NUP155: variants seen among roughly 807,000 people sequenced by gnomAD.
NUP155 encodes nuclear pore complex protein Nup155.
In NUP155, 71 loss-of-function variants were observed where a neutral mutation model predicts 180.4. The observed-to-expected ratio is 0.39, with a 90% CI of 0.33 to 0.48. The LOEUF (loss-of-function observed/expected upper bound fraction) is 0.48, where lower values mean the gene tolerates loss of function less well. NUP155 is among the 20% of genes least tolerant of loss of function. NUP155 has a pLI of 0.91. For synonymous variants in NUP155, 582 were observed against 559.5 expected (o/e 1.04, Z -0.57); for missense variants, 1,553 against 1,648.9 (o/e 0.94, Z 1.01).
intron 1 of NUP155, among the ~76,000 whole-genome samples, chr5:37,366,980 T>C (rs1290713699): frequency 6.6e-6 from 1 of 151,496 alleles, no homozygotes; most frequent in Non-Finnish European, 1.5e-5. Context: ...GTAATCCGCC[T>C]GCCTTGGCCT....
chr5:37,343,990 T>C (rs182764014), intron 9 of NUP155, among the ~76,000 whole-genome samples: 2 of 152,300 alleles, frequency 1.3e-5, no homozygotes, highest in African/African-American at 4.8e-5. Flanking sequence ...TGCTATTATG[T>C]GTCTCTTGAT....
chr5:37,356,624 A>G (rs556748474), intron 4 of NUP155, among the ~76,000 whole-genome samples: 53 of 152,164 alleles, frequency 3.5e-4, no homozygotes, highest in Middle Eastern at 3.2e-3. Context: ...TGGGCAACAG[A>G]GTGAGACTCT....
At chr5:37,312,185 A>G (rs1743571076) in intron 22 of NUP155, among the ~76,000 whole-genome samples, 1 of 152,220 alleles carries the variant, frequency 6.6e-6, no homozygotes, top group Non-Finnish European at 1.5e-5. Context: ...AATTTATCTT[A>G]GTATAACTAA....
rs1483542199 is a variant in NUP155, at chr5:37,301,252, A to C, written c.3561+185T>G. On this transcript the variant is annotated intron_variant, in intron 30 of 34. Coordinates refer to ENST00000231498, the MANE Select transcript of NUP155 (RefSeq NM_153485.3). ...GCTACTGGCCTGGAAAGAGTAGCTT[A>C]GCCTTTTTCTAGGAGTCAGATGAAG... is the stretch of plus-strand genomic sequence containing the variant. 5 of 554,854 alleles carry C rather than the reference A, an allele frequency of 9.0e-6. No homozygotes were observed. In the Admixed American group the frequency reaches 1.4e-4, roughly 16 times the overall value. The allele number at this position is 554,854 out of a possible 1,614,324, so 34.4% of individuals were successfully genotyped here.
intron 1 of NUP155, among the ~76,000 whole-genome samples, chr5:37,368,395 T>C (rs1747745656): frequency 6.6e-6 from 1 of 151,858 alleles, no homozygotes; most frequent in South Asian, 2.1e-4. Flanking sequence ...AATTTTTGTA[T>C]TATTGTATTT....
chr5:37,364,241 G>T lies in NUP155; in HGVS notation c.295+6C>A. The T allele has an allele frequency of 6.2e-7, 1 of 1,603,014 alleles. No homozygotes were observed. On this transcript the variant is annotated splice_donor_region_variant and intron_variant, in intron 2 of 34. Transcript: ENST00000231498. ...TTTTTAAAATAAATACAAAGTAATAGGATACGTCCAAACTGCTCAACAAGT... is the reference window on the plus strand; with the variant it reads ...TTTTTAAAATAAATACAAAGTAATATGATACGTCCAAACTGCTCAACAAGT...
chr5:37,312,043 A>T (rs1743564046), intron 22 of NUP155, among the ~76,000 whole-genome samples: 1 of 152,104 alleles, frequency 6.6e-6, no homozygotes, highest in African/African-American at 2.4e-5. Context: ...AAACAAACAA[A>T]CAAATAAATA....
intron 22 of NUP155, among the ~76,000 whole-genome samples, chr5:37,313,032 TTTAGA>T (rs1743625772): frequency 6.6e-6 from 1 of 152,294 alleles, no homozygotes; most frequent in South Asian, 2.1e-4. Context: ...CTATCTAACA[TTTAGA>T]TTAATGTTGA....
At chr5:37,365,710 GGA>G (rs1491134973) in intron 1 of NUP155, among the ~76,000 whole-genome samples, 740 of 4,902 alleles carry the variant, frequency 0.15, 95 homozygotes, top group Middle Eastern at 0.4. Context: ...TCTGTCTCGG[GGA>G]GAAAAAAAAA....
rs772659342 is a variant in NUP155, at chr5:37,370,891, G to A, written c.87C>T (p.Leu29=). The A allele has an allele frequency of 5.0e-6, 8 of 1,614,188 alleles. No homozygotes were observed. The South Asian group carries it at 6.6e-5, about 13-fold the overall frequency. Residue 29 remains leucine, a synonymous_variant, in exon 1 of 35, where the codon CTC becomes CTT. Coordinates refer to ENST00000231498, the MANE Select transcript of NUP155 (RefSeq NM_153485.3). ...LQEALENAGR[L]IDRQLQEDRM... The stretch of plus-strand genomic sequence containing the variant: ...GGTCCTCTTGCAACTGACGGTCGAT[G>A]AGCCGTCCAGCATTTTCCAGAGCTT...
At chr5:37,309,492 G>T (rs1743391353) in intron 23 of NUP155, 1 of 500,480 alleles carries the variant, frequency 2.0e-6, no homozygotes, top group African/African-American at 1.9e-5. Context: ...GAGAACTTTT[G>T]TCTGGTAATT....
At chr5:37,368,476 G>T (rs979709830) in intron 1 of NUP155, among the ~76,000 whole-genome samples, 6 of 151,476 alleles carry the variant, frequency 4.0e-5, no homozygotes, top group Admixed American at 2.0e-4. Context: ...CAAGTAATCT[G>T]CCCACTTTGG....
rs1744971711 is a variant in NUP155 at position 37,331,700 on chromosome 5, G to T, written c.1614C>A (p.Phe538Leu). Residue 538 changes from phenylalanine (F) to leucine (L), a missense_variant, in exon 14 of 35, where the codon TTC becomes TTA. Coordinates refer to ENST00000231498, the MANE Select transcript of NUP155 (RefSeq NM_153485.3). ...VGGDGEEIER[F>L]FKLHQEDQAC... is the part of the protein sequence containing the mutation. ...ATATAATTACCTGATGTAATTTAAA[G>T]AATCTTTCAATCTCTTCTCCATCTC... 2 of 1,591,074 alleles carry T rather than the reference G, an allele frequency of 1.3e-6. No individual in the cohort carries two copies. The highest frequency in any genetic ancestry group is 1.1e-5 in the South Asian group (1 of 90,598).
rs780283331 is a variant in NUP155 at position 37,323,991 on chromosome 5, C to G, written c.2207+1G>C. On this transcript the variant is annotated splice_donor_variant, in intron 20 of 34. Coordinates refer to ENST00000231498, the MANE Select transcript of NUP155 (RefSeq NM_153485.3). LOFTEE classifies it high-confidence loss of function. ...AATTAATAAACCCTATTTATTCTTA[C>G]TTTGGATTTCCTAATGGTCCTCCTG... 1.3e-6 allele frequency: 2 copies of G among 1,574,886 alleles called. No homozygotes were observed. Among genetic ancestry groups the G allele is most frequent in the Non-Finnish European group, 1.7e-6 (2 of 1,144,392 alleles).
chr5:37,297,379 GTTAT>G (rs145514776), intron 32 of NUP155, among the ~76,000 whole-genome samples: 5 of 151,892 alleles, frequency 3.3e-5, no homozygotes, highest in African/African-American at 7.3e-5. Flanking sequence ...ACAATACAGT[GTTAT>G]TTATTTATTT....
chr5:37,324,105 A>G lies in NUP155; in HGVS notation c.2094T>C (p.Ile698=), dbSNP rs1406770916. The G allele has an allele frequency of 3.8e-6, 6 of 1,597,836 alleles. No individual in the cohort carries two copies. Among genetic ancestry groups the G allele is most frequent in the Non-Finnish European group, 5.1e-6 (6 of 1,165,350 alleles). ...FKSGNREITA[I]ESSVPCQLLE... ...GCAGTTGGCAGGGAACACTACTTTC[A>G]ATCTGTAAAAATGAAAGATTTTTCA... Residue 698 remains isoleucine, a splice_region_variant and synonymous_variant, in exon 20 of 35, where the codon ATT becomes ATC. Coordinates refer to ENST00000231498, the MANE Select transcript of NUP155 (RefSeq NM_153485.3).
chr5:37,340,751 C>CA (rs767694803), intron 11 of NUP155, among the ~76,000 whole-genome samples: 1 of 152,164 alleles, frequency 6.6e-6, no homozygotes, highest in Non-Finnish European at 1.5e-5. Flanking sequence ...CAAAACAGAT[C>CA]AAAAACCTAA....
intron 10 of NUP155, 66 bp downstream of exon 10, chr5:37,342,483 T>C: frequency 1.0e-6 from 1 of 952,604 alleles, no homozygotes; most frequent in African/African-American, 1.6e-5. Context: ...TAATAATAAA[T>C]TTCCAAATCT....
At chr5:37,365,465 T>C (rs1561818448) in intron 1 of NUP155, among the ~76,000 whole-genome samples, 1 of 151,616 alleles carries the variant, frequency 6.6e-6, no homozygotes, top group African/African-American at 2.4e-5. Context: ...CCCAGCACTT[T>C]GGGAGGCAGA....
Sources: gnomAD v4.1 joint callset for allele counts (sites outside exome capture counted in the v4.1 genomes callset) on GRCh38, gnomAD v4.1.1 for gene constraint, MANE v1.5 for transcripts, NCBI Gene and HGNC (gene_info 2026-07-23, HGNC 2026-07-21) for gene names.